Variants in BRSK2 observed in about 807,000 individuals in gnomAD.
The protein encoded by BRSK2 is BR serine/threonine kinase 2, also known as serine/threonine-protein kinase BRSK2.
Under a neutral mutation model 83.3 loss-of-function variants are expected in BRSK2, and 19 were observed. That is an observed-to-expected ratio of 0.23 (90% CI 0.16 to 0.33). BRSK2 has a LOEUF of 0.33. Ranked by LOEUF, BRSK2 falls within the 10% of genes least tolerant of loss-of-function variation. The pLI, the probability that BRSK2 is intolerant of heterozygous loss-of-function variation, is 1.00. For synonymous variants in BRSK2, 519 were observed against 435.4 expected (o/e 1.19, Z -2.39); for missense variants, 798 against 1,042.3 (o/e 0.77, Z 3.23).
At chr11:1,407,689 T>C (rs186418312) in intron 1 of BRSK2, among the ~76,000 whole-genome samples, 98 of 152,350 alleles carry the variant, frequency 6.4e-4, no homozygotes, top group Non-Finnish European at 3.7e-4. Flanking sequence ...CAGGATTCAA[T>C]CAAAATGTTT....
intron 1 of BRSK2, among the ~76,000 whole-genome samples, chr11:1,429,499 C>T (rs1368784190): frequency 6.6e-6 from 1 of 152,206 alleles, no homozygotes; most frequent in African/African-American, 2.4e-5. Context: ...GCCCAGGGCC[C>T]TGCTGCTCTG....
In BRSK2 at chr11:1,445,821, C is replaced by T; in HGVS notation, c.1140C>T (p.Arg380=). The T allele has an allele frequency of 6.2e-7, 1 of 1,612,520 alleles. No homozygotes were observed. Among genetic ancestry groups the T allele is most frequent in the Non-Finnish European group, 8.5e-7 (1 of 1,179,748 alleles). ...GGCACGGCAAGCGGCGGCCAGAACG[C>T]AAATCCATGGAGGTGCTCAGCGTGA... ...LNRHGKRRPE[R]KSMEVLSVTD... Residue 380 remains arginine (R), a synonymous_variant, in exon 12 of 20, where the codon CGC becomes CGT. Transcript: ENST00000528841.
In BRSK2 at chr11:1,438,703, C is replaced by A. The variant is rs1474260795; in HGVS notation, c.272+312C>A. Among the ~76,000 whole-genome samples, 1 of 152,090 alleles carries A rather than the reference C, an allele frequency of 6.6e-6. No homozygotes were observed. The highest frequency in any genetic ancestry group is 2.4e-5 in the African/African-American group (1 of 41,404). On this transcript the variant is annotated intron_variant, in intron 3 of 19. Transcript: ENST00000528841. The surrounding 1 kb of genome is among the most constrained non-coding windows in gnomAD (Gnocchi z 6.4). ...AGTTTCAGGGCAAGGGGCAGGAGCA[C>A]CTGGCCCTCCCCACATGGCCACGCT... is the stretch of plus-strand genomic sequence containing the variant.
chr11:1,412,674 GAAA>G (rs1847652181), intron 1 of BRSK2, among the ~76,000 whole-genome samples: 2 of 152,222 alleles, frequency 1.3e-5, no homozygotes, highest in South Asian at 4.1e-4. Context: ...GTGTCTGTGG[GAAA>G]ACCTTTACTG....
chr11:1,407,334 C>T lies in BRSK2; in HGVS notation c.91+16959C>T, dbSNP rs557521799. ...GCAGAGGGCCCTGCTGCCCCCTATG[C>T]CCTCTGGCAACACCGTGGTGTCCCC... On this transcript the variant is annotated intron_variant, in intron 1 of 19. Transcript: ENST00000528841. 5.1e-4 allele frequency among the ~76,000 whole-genome samples: 77 copies of T among 152,290 alleles called. 1 individual carries two copies. Among genetic ancestry groups the T allele is most frequent in the African/African-American group, 1.8e-3 (76 of 41,562 alleles).
At chr11:1,446,093 C>T (rs1200659338) in intron 12 of BRSK2, among the ~76,000 whole-genome samples, 186 bp downstream of exon 12, 2 of 134,320 alleles carry the variant, frequency 1.5e-5, no homozygotes, top group Non-Finnish European at 3.1e-5. Flanking sequence ...CTGGGCTTAG[C>T]TGGGCTGGGC....
At position 1,456,438 on chromosome 11, in the gene BRSK2, G is replaced by A. The variant is rs759726194; in HGVS notation, c.1759G>A (p.Val587Ile). The stretch of plus-strand genomic sequence containing the variant: ...GGGGCCAGCCGTGTTCCAGAAGCCG[G>A]TCAAGTTCCAGGTTGATATCACCTA... ...TGGPAVFQKP[V>I]KFQVDITYTE... The change falls in exon 17 of 20, where the codon GTC becomes ATC. Residue 587 changes from valine to isoleucine, a missense_variant. Coordinates refer to ENST00000528841, the MANE Select transcript of BRSK2 (RefSeq NM_001256627.2). 6 of 1,593,264 alleles carry A rather than the reference G, an allele frequency of 3.8e-6. No homozygotes were observed. Among genetic ancestry groups the A allele is most frequent in the Non-Finnish European group, 5.1e-6 (6 of 1,171,036 alleles).
intron 12 of BRSK2, among the ~76,000 whole-genome samples, chr11:1,448,844 G>A (rs914961206): frequency 2.0e-5 from 3 of 152,242 alleles, no homozygotes; most frequent in African/African-American, 7.2e-5. Context: ...CGGGAGCCAG[G>A]TGTGTGGCCA....
intron 8 of BRSK2, 33 bp from the exon 9 acceptor site, chr11:1,444,937 TC>T: frequency 1.2e-6 from 2 of 1,605,082 alleles, no homozygotes; most frequent in Non-Finnish European, 8.5e-7. Context: ...CCGTCCCTCG[TC>T]CGTACTAACT....
intron 1 of BRSK2, among the ~76,000 whole-genome samples, chr11:1,434,399 G>C (rs11027218): frequency 7.0e-6 from 1 of 143,538 alleles, no homozygotes; most frequent in Non-Finnish European, 1.5e-5. Flanking sequence ...AATATGGGCC[G>C]GCTCTGCGTG....
intron 1 of BRSK2, among the ~76,000 whole-genome samples, chr11:1,404,375 A>G (rs1881509): frequency 0.84 from 127,111 of 152,158 alleles, 53,990 homozygotes; most frequent in African/African-American, 0.96. Context: ...GGAGGAGGCC[A>G]TCGTCCCAGC....
chr11:1,410,831 G>A (rs1317093729), intron 1 of BRSK2: 4 of 985,406 alleles, frequency 4.1e-6, no homozygotes, highest in African/African-American at 3.5e-5. Context: ...GGGCACCACC[G>A]AGACCACTGT....
chr11:1,417,643 C>T (rs1182990929), intron 1 of BRSK2, among the ~76,000 whole-genome samples: 2 of 145,126 alleles, frequency 1.4e-5, no homozygotes, highest in East Asian at 2.1e-4. Context: ...CTTCTGTTGG[C>T]TGTTTCTTCT....
At chr11:1,456,909 A>G (rs762615125) in intron 18 of BRSK2, 4 of 1,579,632 alleles carry the variant, frequency 2.5e-6, no homozygotes, top group African/African-American at 1.3e-5. Context: ...CCAGGGACAT[A>G]GGGCGCAGCC....
chr11:1,422,066 T>C (rs12794519), intron 1 of BRSK2, among the ~76,000 whole-genome samples: 127,143 of 152,008 alleles, frequency 0.84, 54,091 homozygotes, highest in African/African-American at 0.96. Flanking sequence ...GTGCCTGGGC[T>C]GCATCATCGG....
intron 15 of BRSK2, among the ~76,000 whole-genome samples, chr11:1,452,880 A>C (rs867599063): frequency 9.2e-5 from 14 of 152,360 alleles, no homozygotes; most frequent in South Asian, 8.3e-4. Context: ...GACCTGAGAT[A>C]ACCCCCAGCC....
chr11:1,415,371 G>C (rs1011964638), intron 1 of BRSK2, among the ~76,000 whole-genome samples: 1 of 152,168 alleles, frequency 6.6e-6, no homozygotes, highest in Non-Finnish European at 1.5e-5. Flanking sequence ...TGGGATTACA[G>C]GCATGAGCCA....
chr11:1,460,601 G>A lies in BRSK2; in HGVS notation c.2089G>A (p.Ala697Thr). 6.5e-7 allele frequency: 1 copy of A among 1,532,136 alleles called. No homozygotes were observed. Among genetic ancestry groups the A allele is most frequent in the South Asian group, 1.2e-5 (1 of 83,916 alleles). The allele number at this position is 1,532,136 out of a possible 1,614,324, so 94.9% of individuals were successfully genotyped here. ...CCCCAGCACGCCCGCCAAGCGGAGTGCCCACGGCCCACTCGGTGACTCCGC... is the reference window on the plus strand; with the variant it reads ...CCCCAGCACGCCCGCCAAGCGGAGTACCCACGGCCCACTCGGTGACTCCGC... ...QAPSTPAKRS[A>T]HGPLGDSAAA... The change falls in exon 20 of 20, where the codon GCC becomes ACC. Residue 697 changes from alanine (A) to threonine (T), a missense_variant. Ala to Thr is a moderately conservative substitution (Grantham distance 58). This residue lies in a region of BRSK2 where 455 missense variants were observed against 455.2 expected (regional missense o/e 1.00). Coordinates refer to ENST00000528841, the MANE Select transcript of BRSK2 (RefSeq NM_001256627.2).
In BRSK2 at chr11:1,450,728, G is replaced by T; in HGVS notation, c.1429G>T (p.Ala477Ser). The change falls in exon 14 of 20, where the codon GCG becomes TCG. Residue 477 changes from alanine to serine, a missense_variant. Around this residue, in one of 6 missense-constraint regions of BRSK2, gnomAD observed 455 missense variants for 455.2 expected, o/e 1.00. Coordinates refer to ENST00000528841, the MANE Select transcript of BRSK2 (RefSeq NM_001256627.2). Reference sequence around the variant, plus strand: ...CAGCGTCGGAGGGGTGCCCTGGAGGGCGCGGCTCAACTCCATCAAGAACAG... The same window carrying T: ...CAGCGTCGGAGGGGTGCCCTGGAGGTCGCGGCTCAACTCCATCAAGAACAG... The part of the protein sequence containing the change: ...SPSVGGVPWR[A>S]RLNSIKNSFL... 6.2e-7 allele frequency: 1 copy of T among 1,601,330 alleles called. No individual in the cohort carries two copies. The highest frequency in any genetic ancestry group is 1.8e-5 in the Admixed American group (1 of 56,622).
Sources: gnomAD v4.1 joint callset for allele counts (sites outside exome capture counted in the v4.1 genomes callset) on GRCh38, gnomAD v4.1.1 for gene constraint, gnomAD v4.1.1 regional missense constraint, Gnocchi (gnomAD v3.1) non-coding constraint, MANE v1.5 for transcripts, NCBI Gene and HGNC (gene_info 2026-07-23, HGNC 2026-07-21) for gene names.